The following NINL variants were observed in gnomAD, a reference collection of about 807,000 sequenced individuals.
The protein encoded by NINL is ninein-like protein.
In NINL, 153 loss-of-function variants were observed where a neutral mutation model predicts 160.3. The ratio of observed to expected loss-of-function variants is 0.95; its 90% confidence interval spans 0.84 to 1.09. The LOEUF is 1.09. Ranked by LOEUF, NINL falls within the 50% of genes least tolerant of loss-of-function variation. The pLI is 0.00. For synonymous variants in NINL, 800 were observed against 734.8 expected (o/e 1.09, Z -1.43); for missense variants, 1,829 against 1,764.0 (o/e 1.04, Z -0.66).
intron 13 of NINL, among the ~76,000 whole-genome samples, chr20:25,486,697 A>T (rs1336079342): frequency 1.3e-5 from 2 of 152,218 alleles, no homozygotes; most frequent in Non-Finnish European, 2.9e-5. Flanking sequence ...CACAGACAGG[A>T]AGGGGTAATC....
At chr20:25,485,491 G>A (rs767883916) in intron 13 of NINL, among the ~76,000 whole-genome samples, 13 of 152,244 alleles carry the variant, frequency 8.5e-5, no homozygotes, top group South Asian at 2.1e-4. Context: ...GCACTGGGCC[G>A]TGAAGGGTCA....
At chr20:25,456,980 T>C (rs2090700919) in intron 22 of NINL, among the ~76,000 whole-genome samples, 1 of 152,110 alleles carries the variant, frequency 6.6e-6, no homozygotes, top group Non-Finnish European at 1.5e-5. Context: ...TGTACACATC[T>C]GACAGTGACT....
chr20:25,481,546 TG>T (rs900173465), intron 14 of NINL, among the ~76,000 whole-genome samples: 7 of 152,096 alleles, frequency 4.6e-5, no homozygotes, highest in African/African-American at 1.7e-4. Flanking sequence ...CAGTCAGACT[TG>T]GGGGGTGGTG....
intron 1 of NINL, chr20:25,539,877 C>A: frequency 2.7e-6 from 1 of 372,172 alleles, no homozygotes; most frequent in Non-Finnish European, 5.1e-6. Context: ...AGAAACGGAG[C>A]TTTCCCTGAA....
rs748981393 is a variant in NINL, at chr20:25,504,897, G to A, written c.699C>T (p.Leu233=). The A allele has an allele frequency of 1.9e-6, 3 of 1,610,850 alleles. No individual in the cohort carries two copies. The highest frequency in any genetic ancestry group is 2.2e-5 in the East Asian group (1 of 44,870). Residue 233 remains leucine, a synonymous_variant, in exon 6 of 24, where the codon CTC becomes CTT. Transcript: ENST00000278886. ...VVCQSVGLQG[L]EKEELEDLFN... is the part of the protein sequence containing the mutation. ...CTGCTGTGCCCCTCACCTCTTTCTC[G>A]AGTCCCTGGAGCCCGACGCTCTGGC...
At chr20:25,505,793 C>T (rs1278952909) in intron 5 of NINL, among the ~76,000 whole-genome samples, 1 of 152,164 alleles carries the variant, frequency 6.6e-6, no homozygotes, top group Non-Finnish European at 1.5e-5. Context: ...CAAAGGGGAG[C>T]TGCAAAGCAC....
At position 25,478,928 on chromosome 20, in the gene NINL, C is replaced by A. The variant is rs1253100669; in HGVS notation, c.2196G>T (p.Gln732His). 1 of 1,534,816 alleles carries A rather than the reference C, an allele frequency of 6.5e-7. No homozygotes were observed. The highest frequency in any genetic ancestry group is 8.7e-7 in the Non-Finnish European group (1 of 1,144,474). The change falls in exon 16 of 24, where the codon CAG (glutamine) becomes CAT (histidine). Residue 732 changes from glutamine to histidine, a missense_variant. Coordinates refer to ENST00000278886, the MANE Select transcript of NINL (RefSeq NM_025176.6). ...TCAAAAGAAGCTGGCTGGACCTGAT[C>A]TGCTGCAGGTGGCTGTGATGCCGCA... is the stretch of plus-strand genomic sequence containing the variant. Reference protein sequence around the residue: ...LALRHHSHLQQIRREAEAELS... With the variant: ...LALRHHSHLQHIRREAEAELS...
At position 25,476,486 on chromosome 20, in the gene NINL, C is replaced by T. The variant is rs1004467604; in HGVS notation, c.2805G>A (p.Gln935=). The change falls in exon 17 of 24, where the codon CAG becomes CAA. Residue 935 remains glutamine (Q), a synonymous_variant. Transcript: ENST00000278886. The part of the protein sequence containing the change: ...PFGASAAGLE[Q]PGARELPLLG... The stretch of plus-strand genomic sequence containing the variant: ...GCAGAGGCAGCTCCCGGGCTCCAGG[C>T]TGCTCCAGCCCCGCTGCGCTCGCGC... 8 of 1,605,282 alleles carry T rather than the reference C, an allele frequency of 5.0e-6. No individual in the cohort carries two copies. In the African/African-American group the frequency reaches 1.1e-4, roughly 21 times the overall value.
chr20:25,576,195 A>T (rs1206411967), intron 1 of NINL, among the ~76,000 whole-genome samples: 2 of 152,168 alleles, frequency 1.3e-5, no homozygotes, highest in African/African-American at 4.8e-5. Context: ...CCATTTTCTC[A>T]GTCTCTGTTT....
Position 25,479,068 on chromosome 20 carries a change from A to G in NINL, c.2056T>C (p.Ser686Pro). The G allele has an allele frequency of 6.2e-7, 1 of 1,612,724 alleles. No individual in the cohort carries two copies. The highest frequency in any genetic ancestry group is 8.5e-7 in the Non-Finnish European group (1 of 1,179,986). Residue 686 changes from serine to proline, a missense_variant, in exon 16 of 24, where the codon TCT becomes CCT. Transcript: ENST00000278886. Reference sequence around the variant, plus strand: ...TGCAGGCCCCAGATGACCTCCTGAGACTTCTCGTGGAGCTCCTCCAGGTCG... The same window carrying G: ...TGCAGGCCCCAGATGACCTCCTGAGGCTTCTCGTGGAGCTCCTCCAGGTCG... ...KADLEELHEK[S>P]QEVIWGLQEQ...
At position 25,570,472 on chromosome 20, in the gene NINL, C is replaced by T. The variant is rs970635919; in HGVS notation, c.-12+14983G>A. Among the ~76,000 whole-genome samples the T allele has an allele frequency of 1.1e-4, 16 of 152,156 alleles. No homozygotes were observed. In the East Asian group the frequency reaches 3.1e-3, roughly 29 times the overall value. ...CCCACTGTGTGAGCCACCTCACTCC[C>T]CACTCGCCTTCCGCCATGATTGGAA... is the stretch of plus-strand genomic sequence containing the variant. On this transcript the variant is annotated intron_variant, in intron 1 of 23. Transcript: ENST00000278886.
intron 1 of NINL, among the ~76,000 whole-genome samples, chr20:25,555,357 T>C (rs544584300): frequency 6.6e-6 from 1 of 152,330 alleles, no homozygotes; most frequent in East Asian, 1.9e-4. Context: ...TTGATGGATA[T>C]AGCCAAATTG....
chr20:25,453,882 C>T (rs2090600319), intron 23 of NINL, among the ~76,000 whole-genome samples: 1 of 152,034 alleles, frequency 6.6e-6, no homozygotes, highest in Non-Finnish European at 1.5e-5. Flanking sequence ...AACCCCATCT[C>T]TACTAAAAAA....
chr20:25,480,340 G>T, intron 14 of NINL, 73 bp from the exon 15 acceptor site: 2 of 1,198,350 alleles, frequency 1.7e-6, no homozygotes, highest in East Asian at 2.4e-5. Flanking sequence ...CTTCCAATCT[G>T]ATATTTTGGC....
chr20:25,495,455 T>C (rs1053427820), intron 10 of NINL, among the ~76,000 whole-genome samples: 1 of 152,082 alleles, frequency 6.6e-6, no homozygotes, highest in Non-Finnish European at 1.5e-5. Context: ...GCTGTGTCTG[T>C]GTTGTGCAAT....
At chr20:25,469,460 T>G (rs532226507) in intron 18 of NINL, among the ~76,000 whole-genome samples, 3,263 of 143,572 alleles carry the variant, frequency 0.023, 43 homozygotes, top group Middle Eastern at 0.086. Flanking sequence ...TGACTCTCAC[T>G]GGTGCCCCCA....
At chr20:25,558,023 C>T (rs1028958815) in intron 1 of NINL, among the ~76,000 whole-genome samples, 43 of 149,884 alleles carry the variant, frequency 2.9e-4, no homozygotes, top group African/African-American at 1.0e-3. Context: ...CGCCTGTAAT[C>T]ACAGCTACTC....
intron 1 of NINL, among the ~76,000 whole-genome samples, chr20:25,562,010 G>T (rs2064947343): frequency 6.9e-6 from 1 of 144,440 alleles, no homozygotes; most frequent in African/African-American, 2.6e-5. Context: ...CCTCTGCCCG[G>T]CCGCCCCTAC....
intron 1 of NINL, among the ~76,000 whole-genome samples, chr20:25,584,934 C>T (rs903450381): frequency 6.6e-6 from 1 of 152,254 alleles, no homozygotes; most frequent in African/African-American, 2.4e-5. Flanking sequence ...ACTTCTACAC[C>T]CTTTCAATCA....
Sources: gnomAD v4.1 joint callset for allele counts (sites outside exome capture counted in the v4.1 genomes callset) on GRCh38, gnomAD v4.1.1 for gene constraint, MANE v1.5 for transcripts, NCBI Gene and HGNC (gene_info 2026-07-23, HGNC 2026-07-21) for gene names.